The following CACNA1C variants were observed in gnomAD, a reference collection of about 807,000 sequenced individuals.
CACNA1C encodes voltage-dependent L-type calcium channel subunit alpha-1C.
A neutral mutation model predicts 229.0 loss-of-function variants in CACNA1C; 30 were observed. The observed-to-expected ratio is 0.13, with a 90% CI of 0.10 to 0.18. CACNA1C has a LOEUF of 0.18. CACNA1C is among the 10% of genes least tolerant of loss of function. The pLI is 1.00. For synonymous variants in CACNA1C, 1,114 were observed against 1,132.5 expected (o/e 0.98, Z 0.33); for missense variants, 1,658 against 2,845.0 (o/e 0.58, Z 9.49).
Position 2,504,862 on chromosome 12 carries a change from G to T in CACNA1C, c.1134G>T (p.Arg378Ser). 1 of 1,596,446 alleles carries T rather than the reference G, an allele frequency of 6.3e-7. No individual in the cohort carries two copies. The highest frequency in any genetic ancestry group is 8.6e-7 in the Non-Finnish European group (1 of 1,164,518). ...VLYWVNDAVG[R>S]DWPWIYFVTL... ...TCCAGGTCAATGATGCCGTAGGAAG[G>T]GACTGGCCCTGGATCTATTTTGTTA... The change falls in exon 8 of 47, where the codon AGG becomes AGT. Residue 378 changes from arginine (R) to serine (S), a missense_variant. Physicochemically the swap from Arg to Ser is moderately radical, Grantham distance 110. Around this residue, in one of 20 missense-constraint regions of CACNA1C, gnomAD observed 84 missense variants for 202.6 expected, o/e 0.41. Transcript: ENST00000399655. This position sits in a 1 kb window ranked among gnomAD's most constrained non-coding sequence, Gnocchi z 6.8.
chr12:2,109,561 G>A (rs1000613702), intron 1 of CACNA1C, among the ~76,000 whole-genome samples: 1 of 152,192 alleles, frequency 6.6e-6, no homozygotes, highest in Non-Finnish European at 1.5e-5. Context: ...AAGTGGGCCA[G>A]GGCCAGTCTG....
intron 3 of CACNA1C, among the ~76,000 whole-genome samples, chr12:2,162,373 A>G (rs559834956): frequency 1.3e-5 from 2 of 152,006 alleles, no homozygotes; most frequent in African/African-American, 4.8e-5. Context: ...CTAGGGAAAC[A>G]AGTCTGCCCC....
intron 1 of CACNA1C, among the ~76,000 whole-genome samples, chr12:2,014,449 G>T (rs2154484666): frequency 6.6e-6 from 1 of 152,302 alleles, no homozygotes; most frequent in South Asian, 2.1e-4. Flanking sequence ...GAATATTTAT[G>T]AAGCTCTTAC....
intron 3 of CACNA1C, among the ~76,000 whole-genome samples, chr12:2,245,866 A>G (rs1423424980): frequency 3.9e-5 from 6 of 152,164 alleles, no homozygotes; most frequent in Non-Finnish European, 8.8e-5. Flanking sequence ...CATACAGTAG[A>G]TATGCAAATG....
In CACNA1C at chr12:2,553,079, C is replaced by T. The variant is rs148039272; in HGVS notation, c.1481+3046C>T. On this transcript the variant is annotated intron_variant, in intron 10 of 46. Coordinates refer to ENST00000399655, the MANE Select transcript of CACNA1C (RefSeq NM_000719.7). ...AGGAGGAATTTCTGTGCACCTGAAACTAATTGGAAAATGAAAGAAGAGGAG... is the reference window on the plus strand; with the variant it reads ...AGGAGGAATTTCTGTGCACCTGAAATTAATTGGAAAATGAAAGAAGAGGAG... Among the ~76,000 whole-genome samples, 527 of 152,234 alleles carry T rather than the reference C, an allele frequency of 3.5e-3. 1 individual carries two copies. The highest frequency in any genetic ancestry group is 0.011 in the South Asian group (54 of 4,820).
chr12:2,541,114 G>A (rs533817875), intron 9 of CACNA1C, among the ~76,000 whole-genome samples: 19 of 152,120 alleles, frequency 1.2e-4, no homozygotes, highest in Non-Finnish European at 2.5e-4. Flanking sequence ...ACTGGATTCA[G>A]CCCACCCTCA....
intron 3 of CACNA1C, among the ~76,000 whole-genome samples, chr12:2,230,951 A>G (rs2064921017): frequency 6.6e-6 from 1 of 152,232 alleles, no homozygotes; most frequent in Admixed American, 6.5e-5. Context: ...ACATTATCCA[A>G]ACGCATGCTT....
chr12:2,095,616 C>T (rs763182633), intron 1 of CACNA1C, among the ~76,000 whole-genome samples: 7 of 152,188 alleles, frequency 4.6e-5, no homozygotes, highest in Non-Finnish European at 1.0e-4. Context: ...GCCAGTCCTT[C>T]AAGGACCCTG....
intron 3 of CACNA1C, among the ~76,000 whole-genome samples, chr12:2,394,013 G>A (rs1278348468): frequency 3.3e-5 from 5 of 151,928 alleles, no homozygotes; most frequent in African/African-American, 1.2e-4. Flanking sequence ...GCTAAAGCAG[G>A]AGGATCTCTT....
At chr12:2,162,322 C>A (rs148450106) in intron 3 of CACNA1C, among the ~76,000 whole-genome samples, 9 of 152,010 alleles carry the variant, frequency 5.9e-5, no homozygotes, top group African/African-American at 1.9e-4. Context: ...AGCAGCTCTC[C>A]AGCCATCAGT....
At position 2,135,815 on chromosome 12, in the gene CACNA1C, T is replaced by TG. The variant is rs2093360371; in HGVS notation, c.477+15386dup. On this transcript the variant is annotated intron_variant, in intron 3 of 46. Transcript: ENST00000399655. ...GCCTACAGAGGCAGGCAGGCCTCCT[T>TG]GAGCTGTGGTAGGCTCCACCCAGTT... Among the ~76,000 whole-genome samples, 3 of 146,558 alleles carry TG rather than the reference T, an allele frequency of 2.0e-5. No homozygotes were observed. The South Asian group carries it at 6.4e-4, about 31-fold the overall frequency.
chr12:2,430,996 T>C (rs1005731197), intron 3 of CACNA1C, among the ~76,000 whole-genome samples: 2 of 152,222 alleles, frequency 1.3e-5, no homozygotes, highest in Non-Finnish European at 2.9e-5. Flanking sequence ...TCACCCGCTC[T>C]GCACTTCCTG....
intron 3 of CACNA1C, among the ~76,000 whole-genome samples, chr12:2,412,455 G>A (rs1315731413): frequency 6.6e-6 from 1 of 152,238 alleles, no homozygotes; most frequent in African/African-American, 2.4e-5. Flanking sequence ...GTCTCCAGGA[G>A]ATAAGAGATG....
chr12:2,540,933 G>A (rs901697116), intron 9 of CACNA1C, among the ~76,000 whole-genome samples: 1 of 152,214 alleles, frequency 6.6e-6, no homozygotes, highest in Non-Finnish European at 1.5e-5. Context: ...GGAAGTCTGA[G>A]ATCAAGGTGC....
chr12:2,063,287 G>T (rs906380491), intron 1 of CACNA1C, among the ~76,000 whole-genome samples: 3 of 151,946 alleles, frequency 2.0e-5, no homozygotes, highest in Non-Finnish European at 2.9e-5. Context: ...GAGTAGCTGG[G>T]ACTACAGGCA....
intron 3 of CACNA1C, among the ~76,000 whole-genome samples, chr12:2,256,487 C>A (rs1159513673): frequency 6.6e-6 from 1 of 152,168 alleles, no homozygotes; most frequent in Admixed American, 6.5e-5. Context: ...CATTACCTGT[C>A]TAGCTTCATG....
intron 1 of CACNA1C, among the ~76,000 whole-genome samples, chr12:2,109,091 G>A (rs1367380191): frequency 1.3e-5 from 2 of 152,180 alleles, no homozygotes; most frequent in East Asian, 1.9e-4. Flanking sequence ...TCTCTAAATC[G>A]ATGTGGGTGT....
chr12:2,688,504 T>C lies in CACNA1C; in HGVS notation c.5842T>C (p.Phe1948Leu). 6.2e-7 allele frequency: 1 copy of C among 1,613,856 alleles called. No individual in the cohort carries two copies. The highest frequency in any genetic ancestry group is 8.5e-7 in the Non-Finnish European group (1 of 1,179,842). ...LLQRSHSPAS[F>L]PRPFATPPAT... ...CCAGAGAAGCCATTCCCCTGCCTCA[T>C]TCCCTAGGCCTTTTGCCACCCCACC... The change falls in exon 46 of 47, where the codon TTC (phenylalanine) becomes CTC (leucine). Residue 1948 changes from phenylalanine to leucine, a missense_variant. Phe to Leu is a conservative substitution (Grantham distance 22). Coordinates refer to ENST00000399655, the MANE Select transcript of CACNA1C (RefSeq NM_000719.7).
In CACNA1C at chr12:2,403,435, G is replaced by A. The variant is rs2098701598; in HGVS notation, c.478-45541G>A. On this transcript the variant is annotated intron_variant, in intron 3 of 46. Coordinates refer to ENST00000399655, the MANE Select transcript of CACNA1C (RefSeq NM_000719.7). This position sits in a 1 kb window ranked among gnomAD's most constrained non-coding sequence, Gnocchi z 4.1. ...GGGAGGAGGGTTTAGAAGTCAAGGA[G>A]GAAGCTGCAGGCACGTGACTCCTGC... 6.6e-6 allele frequency among the ~76,000 whole-genome samples: 1 copy of A among 152,126 alleles called. No individual in the cohort carries two copies.
Sources: gnomAD v4.1 joint callset for allele counts (sites outside exome capture counted in the v4.1 genomes callset) on GRCh38, gnomAD v4.1.1 for gene constraint, gnomAD v4.1.1 regional missense constraint, Gnocchi (gnomAD v3.1) non-coding constraint, MANE v1.5 for transcripts, NCBI Gene and HGNC (gene_info 2026-07-23, HGNC 2026-07-21) for gene names.